ZNF131: variants seen among roughly 807,000 people sequenced by gnomAD.
ZNF131 encodes zinc finger and BTB domain containing 35, also known as zinc finger protein 131.
In ZNF131, 7 loss-of-function variants were observed where a neutral mutation model predicts 60.0. That is an observed-to-expected ratio of 0.12 (90% CI 0.07 to 0.22). ZNF131 has a LOEUF of 0.22. ZNF131 is among the 10% of genes least tolerant of loss of function. The pLI is 1.00. For missense variants in ZNF131, 493 were observed against 740.9 expected (o/e 0.67, Z 3.88); for synonymous variants, 257 against 253.2 (o/e 1.01, Z -0.14).
chr5:43,161,723 A>G lies in ZNF131; in HGVS notation c.846A>G (p.Ser282=). 1.9e-6 allele frequency: 3 copies of G among 1,614,226 alleles called. No individual in the cohort carries two copies. Among genetic ancestry groups the G allele is most frequent in the Non-Finnish European group, 2.5e-6 (3 of 1,180,020 alleles). The part of the protein sequence containing the change: ...LFYHFKEHMK[S]HSTESFKCEI... Reference sequence around the variant, plus strand: ...ACCATTTTAAGGAGCACATGAAATCACACTCCACTGAGAGTTTCAAGTGTG... The same window carrying G: ...ACCATTTTAAGGAGCACATGAAATCGCACTCCACTGAGAGTTTCAAGTGTG... The change falls in exon 5 of 7, where the codon TCA becomes TCG. Residue 282 remains serine, a synonymous_variant. Coordinates refer to ENST00000682664, the MANE Select transcript of ZNF131 (RefSeq NM_001330707.2).
At chr5:43,127,585 A>G (rs1213029655) in intron 3 of ZNF131, among the ~76,000 whole-genome samples, 4 of 152,248 alleles carry the variant, frequency 2.6e-5, no homozygotes, top group African/African-American at 9.6e-5. Flanking sequence ...AATGACGTGT[A>G]TATAAATTTA....
rs1743709895 is a variant in ZNF131, at chr5:43,120,955, C to G, written c.-184C>G. On this transcript the variant is annotated 5_prime_UTR_variant, in exon 1 of 7. Transcript: ENST00000682664. ...GGGTGCCCAACCGAACGCACGTGCG[C>G]CAGCGGGGCCCGAGCAGAAGGGGAG... The G allele has an allele frequency of 6.6e-6, 1 of 152,220 alleles. No individual in the cohort carries two copies. The highest frequency in any genetic ancestry group is 2.4e-5 in the African/African-American group (1 of 41,458). 9.4% of individuals were successfully genotyped at this position (152,220 alleles called of 1,614,324 possible).
intron 4 of ZNF131, among the ~76,000 whole-genome samples, chr5:43,152,036 C>T (rs1468781507): frequency 4.6e-5 from 7 of 151,594 alleles, no homozygotes; most frequent in Non-Finnish European, 7.4e-5. Flanking sequence ...GATGGAGTCC[C>T]GCTCTGTCGC....
rs1374610184 is a variant in ZNF131 at position 43,125,133 on chromosome 5, A to C, written c.226+1823A>C. ...AGAATTAATGAATAAGATGTCCCTT[A>C]AAGAAGTCGGAAAATTTCATAACAG... On this transcript the variant is annotated intron_variant, in intron 3 of 6. Transcript: ENST00000682664. The C allele has an allele frequency of 1.3e-5, 2 of 152,166 alleles. 1 individual carries two copies. Among genetic ancestry groups the C allele is most frequent in the Admixed American group, 1.3e-4 (2 of 15,268 alleles). The allele number at this position is 152,166 out of a possible 1,614,324, so 9.4% of individuals were successfully genotyped here. A position where few individuals can be genotyped will look rare whatever the true frequency, so the allele number is the denominator to read the frequency against.
chr5:43,167,365 A>G (rs1561446127), intron 5 of ZNF131, among the ~76,000 whole-genome samples: 1 of 152,212 alleles, frequency 6.6e-6, no homozygotes. Flanking sequence ...AAAGTCCAAT[A>G]AAGTAAAGCA....
chr5:43,135,247 G>A (rs1579750187), intron 3 of ZNF131, among the ~76,000 whole-genome samples: 2 of 147,596 alleles, frequency 1.4e-5, no homozygotes, highest in East Asian at 2.1e-4. Context: ...CACCAACCTC[G>A]GCCTCCCAAA....
At chr5:43,137,317 A>G (rs754421166) in intron 3 of ZNF131, among the ~76,000 whole-genome samples, 5 of 152,214 alleles carry the variant, frequency 3.3e-5, no homozygotes, top group African/African-American at 1.2e-4. Context: ...ATGATAAGGA[A>G]TGAATCCCAA....
intron 5 of ZNF131, among the ~76,000 whole-genome samples, chr5:43,169,515 AGCAT>A (rs1399730859): frequency 6.6e-6 from 1 of 152,250 alleles, no homozygotes; most frequent in African/African-American, 2.4e-5. Context: ...AAAACAAGCG[AGCAT>A]GCGGTAGTAC....
chr5:43,128,492 A>G (rs1744847334), intron 3 of ZNF131, among the ~76,000 whole-genome samples: 1 of 151,970 alleles, frequency 6.6e-6, no homozygotes, highest in Non-Finnish European at 1.5e-5. Flanking sequence ...CGTCTCTACT[A>G]AAAATACAAA....
chr5:43,165,110 CCAGCTAATTTTTCT>C (rs1220453118), intron 5 of ZNF131, among the ~76,000 whole-genome samples: 1 of 152,216 alleles, frequency 6.6e-6, no homozygotes, highest in African/African-American at 2.4e-5. Context: ...GCCACCATGC[CCAGCTAATTTTTCT>C]GTTTTTTGTA....
Position 43,175,459 on chromosome 5 carries a change from A to T in ZNF131, c.*326A>T. 4.3e-6 allele frequency: 3 copies of T among 699,726 alleles called. No homozygotes were observed. Among genetic ancestry groups the T allele is most frequent in the Non-Finnish European group, 5.2e-6 (2 of 384,520 alleles). 43.3% of individuals were successfully genotyped at this position (699,726 alleles called of 1,614,324 possible). A position where few individuals can be genotyped will look rare whatever the true frequency, so the allele number is the denominator to read the frequency against. ...TTCTTCCTTTTCTCTTTCCCAGGTC[A>T]TGTTCTTCCTCAAATTTTTTCCATA... is the stretch of plus-strand genomic sequence containing the variant. On this transcript the variant is annotated 3_prime_UTR_variant, in exon 7 of 7. Transcript: ENST00000682664.
intron 4 of ZNF131, among the ~76,000 whole-genome samples, chr5:43,157,595 A>G (rs895239171): frequency 1.3e-5 from 2 of 152,174 alleles, no homozygotes; most frequent in African/African-American, 4.8e-5. Context: ...TCTTCCTGCA[A>G]CCACCTTCCA....
chr5:43,124,129 T>C (rs1160312465), intron 3 of ZNF131: 1 of 152,158 alleles, frequency 6.6e-6, no homozygotes, highest in African/African-American at 2.4e-5. Flanking sequence ...GGAAGTGGTG[T>C]TATTTGTAAT....
rs1579691008 is a variant in ZNF131 at position 43,123,438 on chromosome 5, A to T, written c.226+128A>T. On this transcript the variant is annotated intron_variant, in intron 3 of 6. Transcript: ENST00000682664. ...TTTAGACAGTTTATCAAGACACCAT[A>T]GGAAATAGGCATCAGTAGTTCCTGT... The T allele has an allele frequency of 1.2e-5, 8 of 686,788 alleles. No individual in the cohort carries two copies. In the East Asian group the frequency reaches 2.4e-4, roughly 21 times the overall value. 42.5% of individuals were successfully genotyped at this position (686,788 alleles called of 1,614,324 possible).
intron 3 of ZNF131, among the ~76,000 whole-genome samples, chr5:43,138,542 C>T (rs1281520083): frequency 6.6e-6 from 1 of 152,082 alleles, no homozygotes; most frequent in Non-Finnish European, 1.5e-5. Flanking sequence ...ATCCCAGCAG[C>T]TCGGGAGGTT....
intron 4 of ZNF131, among the ~76,000 whole-genome samples, chr5:43,150,002 G>C (rs1213118939): frequency 6.6e-6 from 1 of 152,138 alleles, no homozygotes; most frequent in East Asian, 1.9e-4. Flanking sequence ...CCAGAAAAGG[G>C]CTTGATTACT....
intron 4 of ZNF131, among the ~76,000 whole-genome samples, chr5:43,142,964 G>A (rs139151215): frequency 2.3e-4 from 35 of 151,912 alleles, no homozygotes; most frequent in East Asian, 1.2e-3. Context: ...TCAAAGTGCC[G>A]GGATTGCAGG....
At chr5:43,153,130 A>G (rs909862832) in intron 4 of ZNF131, among the ~76,000 whole-genome samples, 8 of 152,168 alleles carry the variant, frequency 5.3e-5, no homozygotes, top group African/African-American at 1.9e-4. Context: ...GGGCTATTAT[A>G]AGTGAGTGTA....
chr5:43,174,800 G>T lies in ZNF131; in HGVS notation c.1539G>T (p.Met513Ile). Reference protein sequence around the residue: ...LQDSQVHDSHMSELPEQVQVS... With the variant: ...LQDSQVHDSHISELPEQVQVS... ...ACAGCCAGGTGCACGATTCACACAT[G>T]AGTGAGCTTCCAGAGCAGGTCCAAG... is the stretch of plus-strand genomic sequence containing the variant. Residue 513 changes from methionine (M) to isoleucine (I), a missense_variant, in exon 7 of 7, where the codon ATG becomes ATT. Physicochemically the swap from Met to Ile is conservative, Grantham distance 10. Coordinates refer to ENST00000682664, the MANE Select transcript of ZNF131 (RefSeq NM_001330707.2). 1 of 1,614,186 alleles carries T rather than the reference G, an allele frequency of 6.2e-7. No individual in the cohort carries two copies. The highest frequency in any genetic ancestry group is 8.5e-7 in the Non-Finnish European group (1 of 1,180,042).
Sources: gnomAD v4.1 joint callset for allele counts (sites outside exome capture counted in the v4.1 genomes callset) on GRCh38, gnomAD v4.1.1 for gene constraint, MANE v1.5 for transcripts, NCBI Gene and HGNC (gene_info 2026-07-23, HGNC 2026-07-21) for gene names.